The following ITLN1 variants were observed in gnomAD, a reference collection of about 807,000 sequenced individuals.
The protein encoded by ITLN1 is intelectin 1.
A neutral mutation model predicts 36.2 loss-of-function variants in ITLN1; 29 were observed. The ratio of observed to expected loss-of-function variants is 0.80; its 90% confidence interval spans 0.60 to 1.09. The LOEUF (loss-of-function observed/expected upper bound fraction) is 1.09. Ranked by LOEUF, ITLN1 falls within the 50% of genes least tolerant of loss-of-function variation. The pLI, the probability that ITLN1 is intolerant of heterozygous loss-of-function variation, is 0.00. For missense variants in ITLN1, 358 were observed against 405.2 expected (o/e 0.88, Z 1.00); for synonymous variants, 143 against 146.5 (o/e 0.98, Z 0.17).
intron 4 of ITLN1, 50 bp downstream of exon 4, chr1:160,881,907 C>T: frequency 6.2e-7 from 1 of 1,613,800 alleles, no homozygotes; most frequent in South Asian, 1.1e-5. Context: ...TTGTGGCCAG[C>T]CACACTCCAC....
intron 7 of ITLN1, among the ~76,000 whole-genome samples, chr1:160,877,604 T>C (rs1290228236): frequency 6.6e-6 from 1 of 152,024 alleles, no homozygotes; most frequent in Non-Finnish European, 1.5e-5. Flanking sequence ...ATCCAGACAC[T>C]CTGACTTCAT....
intron 7 of ITLN1, 65 bp downstream of exon 7, chr1:160,879,246 A>G: frequency 8.7e-7 from 1 of 1,143,668 alleles, no homozygotes; most frequent in Non-Finnish European, 1.3e-6. Context: ...ACACTCACAC[A>G]TACCAACACA....
chr1:160,877,231 T>G (rs937968930), intron 7 of ITLN1, among the ~76,000 whole-genome samples: 4 of 151,690 alleles, frequency 2.6e-5, no homozygotes, highest in Non-Finnish European at 4.4e-5. Context: ...AGTAAGACCC[T>G]GTCTCAAAAG....
intron 1 of ITLN1, 59 bp downstream of exon 1, chr1:160,885,002 A>T (rs1442958824): frequency 1.1e-5 from 7 of 658,000 alleles, no homozygotes; most frequent in Non-Finnish European, 1.6e-5. Flanking sequence ...TAAACTTCAC[A>T]CATCTCTGAG....
chr1:160,876,600 T>A lies in ITLN1; in HGVS notation c.*64A>T. 1 of 1,526,522 alleles carries A rather than the reference T, an allele frequency of 6.6e-7. No individual in the cohort carries two copies. Among genetic ancestry groups the A allele is most frequent in the Non-Finnish European group, 9.0e-7 (1 of 1,107,992 alleles). 94.6% of individuals were successfully genotyped at this position (1,526,522 alleles called of 1,614,324 possible). On this transcript the variant is annotated 3_prime_UTR_variant, in exon 8 of 8. Transcript: ENST00000326245. ...ATTAACATTCTAGCTACTGGGTAAG[T>A]TGTTCTCCATCCTTGGGATCTCATG...
chr1:160,881,651 G>A (rs983908836), intron 4 of ITLN1: 12 of 517,248 alleles, frequency 2.3e-5, no homozygotes, highest in South Asian at 5.1e-5. Context: ...TCTACTAAAA[G>A]TACAAAAATT....
Position 160,881,828 on chromosome 1 carries a change from T to C in ITLN1, c.405+129A>G, listed in dbSNP as rs1391127318. On this transcript the variant is annotated intron_variant, in intron 4 of 7. Transcript: ENST00000326245. ...AGAAAAAAAAAAAAAAAAAAAAAGA[T>C]ATAAGTATTTCTCTCTTCTTCTCCA... 5.6e-6 allele frequency: 6 copies of C among 1,069,072 alleles called. No homozygotes were observed. In the East Asian group the frequency reaches 1.3e-4, roughly 23 times the overall value. 66.2% of individuals were successfully genotyped at this position (1,069,072 alleles called of 1,614,324 possible).
Position 160,881,843 on chromosome 1 carries a change from C to G in ITLN1, c.405+114G>C, listed in dbSNP as rs753251953. On this transcript the variant is annotated intron_variant, in intron 4 of 7. Coordinates refer to ENST00000326245, the MANE Select transcript of ITLN1 (RefSeq NM_017625.3). The stretch of plus-strand genomic sequence containing the variant: ...AAAAAAAAGATATAAGTATTTCTCT[C>G]TTCTTCTCCAGCCCATCCCACACCC... 1,738 of 1,158,592 alleles carry G rather than the reference C, an allele frequency of 1.5e-3. 8 individuals carry two copies. Among genetic ancestry groups the G allele is most frequent in the Non-Finnish European group, 2.0e-3 (1,631 of 810,002 alleles). The allele number at this position is 1,158,592 out of a possible 1,614,324, so 71.8% of individuals were successfully genotyped here. A position where few individuals can be genotyped will look rare whatever the true frequency, so the allele number is the denominator to read the frequency against.
chr1:160,885,025 C>G (rs948950695), intron 1 of ITLN1, 36 bp downstream of exon 1: 82 of 592,572 alleles, frequency 1.4e-4, no homozygotes, highest in Non-Finnish European at 1.5e-5. Flanking sequence ...CAAAAGCAGA[C>G]CTAAGCTGAA....
chr1:160,881,050 G>A (rs1466627337), intron 5 of ITLN1, 104 bp downstream of exon 5: 3 of 1,308,134 alleles, frequency 2.3e-6, no homozygotes, highest in Non-Finnish European at 3.2e-6. Context: ...TGGGTTAGAA[G>A]AACATGGGAG....
At chr1:160,879,101 T>C (rs188533861) in intron 7 of ITLN1, among the ~76,000 whole-genome samples, 35 of 152,320 alleles carry the variant, frequency 2.3e-4, no homozygotes, top group African/African-American at 7.9e-4. Context: ...CCCTTGATTT[T>C]GGTCTTCAAA....
intron 5 of ITLN1, 136 bp downstream of exon 5, chr1:160,881,018 C>A (rs976961887): frequency 2.9e-6 from 3 of 1,051,252 alleles, no homozygotes; most frequent in Admixed American, 2.8e-5. Context: ...CTAAGAGAAG[C>A]AACAGAAGCC....
chr1:160,876,629 G>T lies in ITLN1; in HGVS notation c.*35C>A, dbSNP rs1670590829. The T allele has an allele frequency of 6.2e-7, 1 of 1,609,018 alleles. No individual in the cohort carries two copies. On this transcript the variant is annotated 3_prime_UTR_variant, in exon 8 of 8. Coordinates refer to ENST00000326245, the MANE Select transcript of ITLN1 (RefSeq NM_017625.3). ...TCTCCATCCTTGGGATCTCATGGTT[G>T]GGAGGAGAGGTCTGGGTTCCCTCCC...
intron 2 of ITLN1, 141 bp downstream of exon 2, chr1:160,884,679 C>T: frequency 1.6e-6 from 1 of 640,894 alleles, no homozygotes. Flanking sequence ...CCAGATTCCG[C>T]CAGAGACCAG....
Position 160,881,879 on chromosome 1 carries a change from G to A in ITLN1, c.405+78C>T. 3 of 1,591,450 alleles carry A rather than the reference G, an allele frequency of 1.9e-6. No individual in the cohort carries two copies. In the South Asian group the frequency reaches 3.3e-5, roughly 18 times the overall value. On this transcript the variant is annotated intron_variant, in intron 4 of 7. Transcript: ENST00000326245. Reference sequence around the variant, plus strand: ...GCCCATCCCACACCCCTACCTTCCAGCCATCCCTCCTGCAGGCTTGTGGCC... The same window carrying A: ...GCCCATCCCACACCCCTACCTTCCAACCATCCCTCCTGCAGGCTTGTGGCC...
chr1:160,879,599 A>G (rs985881494), intron 6 of ITLN1, among the ~76,000 whole-genome samples, 185 bp from the exon 7 acceptor site: 1 of 152,102 alleles, frequency 6.6e-6, no homozygotes, highest in Non-Finnish European at 1.5e-5. Context: ...GCTAAGAGGG[A>G]CCTTTTCCCA....
Position 160,880,805 on chromosome 1 carries a change from C to T in ITLN1, c.565-97G>A, listed in dbSNP as rs73027844. The T allele has an allele frequency of 1.3e-3, 1,759 of 1,361,392 alleles. 22 individuals carry two copies. In the African/African-American group the frequency reaches 0.023, roughly 18 times the overall value. The allele number at this position is 1,361,392 out of a possible 1,614,324, so 84.3% of individuals were successfully genotyped here. On this transcript the variant is annotated intron_variant, in intron 5 of 7. Coordinates refer to ENST00000326245, the MANE Select transcript of ITLN1 (RefSeq NM_017625.3). ...TGCCATTCATAGAGGAGAAACAATG[C>T]TTTCTCAGTAACTGAGATTACTTCA...
Position 160,876,787 on chromosome 1 carries a change from T to C in ITLN1, c.819A>G (p.Pro273=), listed in dbSNP as rs781014622. 2.5e-6 allele frequency: 4 copies of C among 1,614,082 alleles called. No homozygotes were observed. The East Asian group carries it at 6.7e-5, about 27-fold the overall frequency. ...CTCCACACTGCTGGGGACTGGCCTC[T>C]GGAAAGTATCCTCCTCCACCAATGC... ...HHCIGGGGYF[P]EASPQQCGDF... is the part of the protein sequence containing the mutation. The change falls in exon 8 of 8, where the codon CCA becomes CCG. Residue 273 remains proline, a synonymous_variant. Coordinates refer to ENST00000326245, the MANE Select transcript of ITLN1 (RefSeq NM_017625.3).
intron 4 of ITLN1, 129 bp downstream of exon 4, chr1:160,881,826 GAT>G: frequency 9.6e-7 from 1 of 1,038,090 alleles, no homozygotes; most frequent in Non-Finnish European, 1.4e-6. Context: ...AAAAAAAAAA[GAT>G]ATAAGTATTT....
Sources: allele counts gnomAD v4.1 joint callset (sites outside exome capture counted in the v4.1 genomes callset), GRCh38; gene constraint gnomAD v4.1.1; transcripts MANE v1.5; gene names NCBI Gene and HGNC (gene_info 2026-07-23, HGNC 2026-07-21).